Variants in RCC1L observed in about 807,000 individuals in gnomAD.
RCC1L encodes the protein RCC1-like G exchanging factor-like protein.
In RCC1L, 46 loss-of-function variants were observed where a neutral mutation model predicts 58.6. That is an observed-to-expected ratio of 0.79 (90% CI 0.62 to 1.00). RCC1L has a LOEUF of 1.00. Ranked by LOEUF, RCC1L falls within the 50% of genes least tolerant of loss-of-function variation. The pLI, the probability that RCC1L is intolerant of heterozygous loss-of-function variation, is 0.00. For synonymous variants in RCC1L, 281 were observed against 262.9 expected (o/e 1.07, Z -0.67); for missense variants, 636 against 623.6 (o/e 1.02, Z -0.21).
chr7:75,037,757 C>T (rs1009492995), downstream of RCC1L, among the ~76,000 whole-genome samples: 8 of 152,100 alleles, frequency 5.3e-5, no homozygotes, highest in East Asian at 1.9e-4. Flanking sequence ...GATCAGCCCA[C>T]GTCAGCCTCC....
chr7:75,048,434 C>A (rs1584491878), intron 10 of RCC1L, among the ~76,000 whole-genome samples: 1 of 152,204 alleles, frequency 6.6e-6, no homozygotes, highest in Non-Finnish European at 1.5e-5. Flanking sequence ...CAGGCAGAGT[C>A]GCAAGTTCAA....
intron 10 of RCC1L, among the ~76,000 whole-genome samples, chr7:75,044,779 G>A (rs1230644969): frequency 6.6e-6 from 1 of 151,912 alleles, no homozygotes; most frequent in Non-Finnish European, 1.5e-5. Flanking sequence ...GCTCACGCCT[G>A]TAATCCCAGC....
chr7:75,050,068 G>A (rs1805857613), intron 10 of RCC1L, among the ~76,000 whole-genome samples: 5 of 152,136 alleles, frequency 3.3e-5, no homozygotes, highest in South Asian at 4.1e-4. Flanking sequence ...GCCAAATGCC[G>A]CCGTCACGGG....
chr7:75,038,259 T>A (rs1178479575), downstream of RCC1L, among the ~76,000 whole-genome samples: 7 of 152,150 alleles, frequency 4.6e-5, no homozygotes, highest in Admixed American at 4.6e-4. Flanking sequence ...AACAGTTGTT[T>A]GTTTGTTTTT....
intron 3 of RCC1L, among the ~76,000 whole-genome samples, chr7:75,065,124 C>T (rs1483221552): frequency 6.6e-6 from 1 of 151,732 alleles, no homozygotes; most frequent in Non-Finnish European, 1.5e-5. Context: ...AAGTGACAGC[C>T]TTGTGTGTGA....
In RCC1L at chr7:75,065,174, C is replaced by T. The variant is rs187433495; in HGVS notation, c.584-526G>A. On this transcript the variant is annotated intron_variant, in intron 3 of 10. Transcript: ENST00000610322. Reference sequence around the variant, plus strand: ...CCCAAGTTTGCATTTTCGACATTAACGTTTACTTTTTAATTAAAAAAAAAA... The same window carrying T: ...CCCAAGTTTGCATTTTCGACATTAATGTTTACTTTTTAATTAAAAAAAAAA... 7.3e-3 allele frequency among the ~76,000 whole-genome samples: 1,094 copies of T among 150,416 alleles called. 12 individuals carry two copies. The highest frequency in any genetic ancestry group is 0.011 in the Non-Finnish European group (772 of 67,816).
chr7:75,047,249 G>A (rs926496578), intron 10 of RCC1L, among the ~76,000 whole-genome samples: 4 of 152,104 alleles, frequency 2.6e-5, no homozygotes, highest in Admixed American at 2.6e-4. Flanking sequence ...GAGCCACTGC[G>A]CCCGGCCGCT....
chr7:75,032,061 A>G (rs1805319572), intron 10 of RCC1L, among the ~76,000 whole-genome samples: 2 of 152,190 alleles, frequency 1.3e-5, no homozygotes, highest in African/African-American at 4.8e-5. Flanking sequence ...CGTTGCCTCT[A>G]CCATGCTCTG....
At chr7:75,028,185 T>C (rs1162369412) in intron 10 of RCC1L, 12 of 1,071,314 alleles carry the variant, frequency 1.1e-5, no homozygotes, top group Non-Finnish European at 1.6e-5. Context: ...TGGCATGATC[T>C]CAGCTCACTG....
chr7:75,033,389 G>A (rs1805358724), intron 10 of RCC1L, among the ~76,000 whole-genome samples: 1 of 151,998 alleles, frequency 6.6e-6, no homozygotes, highest in African/African-American at 2.4e-5. Context: ...AGAAGGACCC[G>A]TAGTGGTAAT....
downstream of RCC1L, among the ~76,000 whole-genome samples, chr7:75,041,355 T>C (rs1032456137): frequency 1.3e-5 from 2 of 152,108 alleles, no homozygotes; most frequent in African/African-American, 4.8e-5. Context: ...CTCCCTAGAA[T>C]GTAAGCTTCA....
chr7:75,045,618 C>T (rs1339923421), intron 10 of RCC1L, among the ~76,000 whole-genome samples: 1 of 151,378 alleles, frequency 6.6e-6, no homozygotes. Flanking sequence ...CTGGTTCAAG[C>T]GATTCTCCTG....
intron 10 of RCC1L, among the ~76,000 whole-genome samples, chr7:75,031,963 C>T (rs1170073971): frequency 3.3e-5 from 5 of 152,164 alleles, no homozygotes; most frequent in Admixed American, 6.5e-5. Context: ...CACAATATGG[C>T]GCCCAGCTTC....
At chr7:75,030,590 T>C (rs1805275456) in intron 10 of RCC1L, among the ~76,000 whole-genome samples, 3 of 152,156 alleles carry the variant, frequency 2.0e-5, no homozygotes, top group South Asian at 2.1e-4. Flanking sequence ...AAGTGAGGCC[T>C]GGCTGTAGGC....
At chr7:75,044,983 T>C (rs1026038913) in intron 10 of RCC1L, among the ~76,000 whole-genome samples, 24 of 151,452 alleles carry the variant, frequency 1.6e-4, no homozygotes, top group African/African-American at 4.8e-4. Context: ...GATCACGCCA[T>C]TGCACTCCAG....
At chr7:75,047,405 T>C (rs1335793554) in intron 10 of RCC1L, among the ~76,000 whole-genome samples, 1 of 152,164 alleles carries the variant, frequency 6.6e-6, no homozygotes, top group East Asian at 1.9e-4. Flanking sequence ...GAGCTGGGAT[T>C]ACAGGCACAC....
chr7:75,072,940 TA>T (rs1806819348), intron 1 of RCC1L, among the ~76,000 whole-genome samples: 1 of 152,138 alleles, frequency 6.6e-6, no homozygotes, highest in Non-Finnish European at 1.5e-5. Flanking sequence ...ACCCTGTCTC[TA>T]AAAAATAAAT....
intron 3 of RCC1L, among the ~76,000 whole-genome samples, chr7:75,065,311 T>C (rs1208858394): frequency 1.3e-5 from 2 of 152,192 alleles, no homozygotes; most frequent in African/African-American, 4.8e-5. Flanking sequence ...TCTCAGCTTT[T>C]TGGGAGGCCA....
intron 5 of RCC1L, among the ~76,000 whole-genome samples, chr7:75,061,660 A>G (rs1038118198): frequency 5.5e-4 from 84 of 151,888 alleles, no homozygotes; most frequent in Middle Eastern, 3.4e-3. Flanking sequence ...TGCTGTTGGG[A>G]TCTCTCTCCA....
Sources: allele counts gnomAD v4.1 joint callset (sites outside exome capture counted in the v4.1 genomes callset), GRCh38; gene constraint gnomAD v4.1.1; transcripts MANE v1.5; gene names NCBI Gene and HGNC (gene_info 2026-07-23, HGNC 2026-07-21).